NFIX: variants seen among roughly 807,000 people sequenced by gnomAD.
NFIX encodes nuclear factor 1 X-type.
In NFIX, 2 loss-of-function variants were observed where a neutral mutation model predicts 53.3. The observed-to-expected ratio is 0.04, with a 90% CI of 0.02 to 0.12. The LOEUF (loss-of-function observed/expected upper bound fraction) is 0.12. Ranked by LOEUF, NFIX falls within the 10% of genes least tolerant of loss-of-function variation. NFIX has a pLI of 1.00. For synonymous variants in NFIX, 244 were observed against 289.0 expected (o/e 0.84, Z 1.58); for missense variants, 310 against 674.5 (o/e 0.46, Z 5.99).
At position 13,094,574 on chromosome 19, in the gene NFIX, G is replaced by GAAAA; in HGVS notation, c.1495-61_1495-60insAAAA. ...AGGGGCCAGGTCACTGGGCCAGGTA[G>GAAAA]GAGTGAGATGGGACCTGCCCCAGCT... On this transcript the variant is annotated intron_variant, in intron 10 of 10. Transcript: ENST00000592199. The surrounding 1 kb of genome is among the most constrained non-coding windows in gnomAD (Gnocchi z 4.3). 1 of 1,521,974 alleles carries GAAAA rather than the reference G, an allele frequency of 6.6e-7. No individual in the cohort carries two copies. The highest frequency in any genetic ancestry group is 1.2e-5 in the South Asian group (1 of 83,640). The allele number at this position is 1,521,974 out of a possible 1,614,324, so 94.3% of individuals were successfully genotyped here.
rs954431970 is a variant in NFIX at position 13,060,746 on chromosome 19, C to T, written c.560-12301C>T. Among the ~76,000 whole-genome samples, 9 of 151,766 alleles carry T rather than the reference C, an allele frequency of 5.9e-5. No individual in the cohort carries two copies. The South Asian group carries it at 1.9e-3, about 32-fold the overall frequency. On this transcript the variant is annotated intron_variant, in intron 2 of 10. Transcript: ENST00000592199. The surrounding 1 kb of genome is among the most constrained non-coding windows in gnomAD (Gnocchi z 4.3). ...GGGCCCTGTGAAGCGATCTGCACTG[C>T]CCAGGGTCAGGGGGATGGGGGGGTC...
At chr19:13,020,262 G>C (rs957094949) in intron 1 of NFIX, among the ~76,000 whole-genome samples, 4 of 152,178 alleles carry the variant, frequency 2.6e-5, no homozygotes, top group Non-Finnish European at 5.9e-5. Flanking sequence ...CTTTTGTCTA[G>C]GGCTCATGAG....
In NFIX at chr19:13,011,754, G is replaced by A. The variant is rs993440128; in HGVS notation, c.28-13267G>A. ...GCCTGTACGTACCCTACCTGAGACCGCCCCTCCGCCAAGTGCGCCCCTCGA... is the reference window on the plus strand; with the variant it reads ...GCCTGTACGTACCCTACCTGAGACCACCCCTCCGCCAAGTGCGCCCCTCGA... On this transcript the variant is annotated intron_variant, in intron 1 of 10. Transcript: ENST00000592199. The surrounding 1 kb of genome is among the most constrained non-coding windows in gnomAD (Gnocchi z 6.5). Among the ~76,000 whole-genome samples the A allele has an allele frequency of 5.9e-5, 9 of 152,150 alleles. No homozygotes were observed. The highest frequency in any genetic ancestry group is 8.8e-5 in the Non-Finnish European group (6 of 68,020).
Position 13,041,511 on chromosome 19 carries a change from A to G in NFIX, c.559+15959A>G, listed in dbSNP as rs139726288. Among the ~76,000 whole-genome samples, 697 of 152,314 alleles carry G rather than the reference A, an allele frequency of 4.6e-3. 1 individual carries two copies. Among genetic ancestry groups the G allele is most frequent in the African/African-American group, 0.016 (674 of 41,586 alleles). On this transcript the variant is annotated intron_variant, in intron 2 of 10. Coordinates refer to ENST00000592199, the MANE Select transcript of NFIX (RefSeq NM_001365902.3). ...TTAGGGATGCTGCTTTTAAAATTTA[A>G]TACTGCAGGGCGCAGTGGCTCATGC...
At chr19:13,020,322 G>A (rs2012901005) in intron 1 of NFIX, among the ~76,000 whole-genome samples, 1 of 152,206 alleles carries the variant, frequency 6.6e-6, no homozygotes. Flanking sequence ...GGAGGAGGGG[G>A]CCCGCAGTGA....
Position 13,067,465 on chromosome 19 carries a change from TGTGTGTGTGTGTGTGTGC to T in NFIX, c.560-5564_560-5547del, listed in dbSNP as rs958591531. 6.6e-5 allele frequency among the ~76,000 whole-genome samples: 7 copies of T among 105,974 alleles called. No homozygotes were observed. The highest frequency in any genetic ancestry group is 3.9e-4 in the Admixed American group (4 of 10,308). 69.5% of individuals were successfully genotyped at this position (105,974 alleles called of 152,430 possible). A position where few individuals can be genotyped will look rare whatever the true frequency, so the allele number is the denominator to read the frequency against. ...TGGCACCTCCGTGTGTGTGCGCGCGTGTGTGTGTGTGTGTGTGCGTGTGTGTGTGTGTGTGTGTGTATG... is the reference window on the plus strand; with the variant it reads ...TGGCACCTCCGTGTGTGTGCGCGCGTGTGTGTGTGTGTGTGTGTGTGTATG... On this transcript the variant is annotated intron_variant, in intron 2 of 10. Transcript: ENST00000592199. The surrounding 1 kb of genome is among the most constrained non-coding windows in gnomAD (Gnocchi z 4.2).
At position 13,009,308 on chromosome 19, in the gene NFIX, C is replaced by T. The variant is rs966960624; in HGVS notation, c.27+13444C>T. On this transcript the variant is annotated intron_variant, in intron 1 of 10. Coordinates refer to ENST00000592199, the MANE Select transcript of NFIX (RefSeq NM_001365902.3). The surrounding 1 kb of genome is among the most constrained non-coding windows in gnomAD (Gnocchi z 4.7). ...CTCCAGAGCAATTATGCCTGGGCAG[C>T]GGGTGGGTGGGGGGAAGGCGGGCAT... Among the ~76,000 whole-genome samples the T allele has an allele frequency of 2.0e-5, 3 of 146,582 alleles. No individual in the cohort carries two copies. The highest frequency in any genetic ancestry group is 3.0e-5 in the Non-Finnish European group (2 of 66,330).
At position 13,096,549 on chromosome 19, in the gene NFIX, G is replaced by A. The variant is rs2076025851; in HGVS notation, c.*1900G>A. On this transcript the variant is annotated 3_prime_UTR_variant, in exon 11 of 11. Transcript: ENST00000592199. Reference sequence around the variant, plus strand: ...CCCTAGAGGACCCCAGGGCTGAGGGGCAGTGGATCCTGCGGGAGTCTCCCG... The same window carrying A: ...CCCTAGAGGACCCCAGGGCTGAGGGACAGTGGATCCTGCGGGAGTCTCCCG... 1 of 152,102 alleles carries A rather than the reference G, an allele frequency of 6.6e-6. No homozygotes were observed. The allele number at this position is 152,102 out of a possible 1,614,324, so 9.4% of individuals were successfully genotyped here.
chr19:13,026,185 A>G (rs1403175089), intron 2 of NFIX, among the ~76,000 whole-genome samples: 1 of 152,054 alleles, frequency 6.6e-6, no homozygotes, highest in Non-Finnish European at 1.5e-5. Flanking sequence ...AAGTAATTTG[A>G]TTTCATAGAG....
At chr19:13,050,126 G>A (rs1321261296) in intron 2 of NFIX, among the ~76,000 whole-genome samples, 2 of 152,204 alleles carry the variant, frequency 1.3e-5, no homozygotes, top group Admixed American at 1.3e-4. Context: ...CATCTTGTCT[G>A]CCCAGCAGTG....
At chr19:13,017,371 CTCTT>C (rs1452212578) in intron 1 of NFIX, among the ~76,000 whole-genome samples, 2 of 152,186 alleles carry the variant, frequency 1.3e-5, no homozygotes, top group African/African-American at 4.8e-5. Flanking sequence ...GAAAAATGAC[CTCTT>C]TCTAACTCCT....
intron 8 of NFIX, 157 bp downstream of exon 8, chr19:13,082,012 C>T: frequency 1.3e-6 from 1 of 788,720 alleles, no homozygotes; most frequent in Non-Finnish European, 2.0e-6. Flanking sequence ...TTTTCTGGGT[C>T]TGGGGACGGG....
chr19:13,026,744 C>CTCTCTCTGTG (rs545440885), intron 2 of NFIX, among the ~76,000 whole-genome samples: 1 of 149,904 alleles, frequency 6.7e-6, no homozygotes, highest in Admixed American at 6.6e-5. Flanking sequence ...CTCTCTCTCT[C>CTCTCTCTGTG]TGTGTGTGTG....
At chr19:13,053,056 A>T (rs1296883144) in intron 2 of NFIX, among the ~76,000 whole-genome samples, 2 of 152,202 alleles carry the variant, frequency 1.3e-5, no homozygotes, top group East Asian at 3.9e-4. Flanking sequence ...CCTCCTGCAC[A>T]GTGCACACAT....
In NFIX at chr19:13,005,875, T is replaced by C. The variant is rs2011986374; in HGVS notation, c.27+10011T>C. Among the ~76,000 whole-genome samples the C allele has an allele frequency of 6.6e-6, 1 of 152,206 alleles. No individual in the cohort carries two copies. The highest frequency in any genetic ancestry group is 1.5e-5 in the Non-Finnish European group (1 of 68,028). ...GGTGGTCTCACCCCCTCTGCACCCC[T>C]GCTGGCCAGGCTTGCCCTCACCCCC... is the stretch of plus-strand genomic sequence containing the variant. On this transcript the variant is annotated intron_variant, in intron 1 of 10. Transcript: ENST00000592199. The surrounding 1 kb of genome is among the most constrained non-coding windows in gnomAD (Gnocchi z 4.7).
In NFIX at chr19:13,073,043, G is replaced by A; in HGVS notation, c.560-4G>A. 6.2e-7 allele frequency: 1 copy of A among 1,613,876 alleles called. No homozygotes were observed. Among genetic ancestry groups the A allele is most frequent in the East Asian group, 2.2e-5 (1 of 44,882 alleles). On this transcript the variant is annotated splice_region_variant and splice_polypyrimidine_tract_variant and intron_variant, in intron 2 of 10. Transcript: ENST00000592199. This position sits in a 1 kb window ranked among gnomAD's most constrained non-coding sequence, Gnocchi z 4.5. ...TACATTCTCCCCTTTTGTGTCTCCT[G>A]CAGAATCCGGACAATCAGATAGTTC...
intron 1 of NFIX, among the ~76,000 whole-genome samples, chr19:13,008,743 C>T (rs1330489148): frequency 6.6e-6 from 1 of 152,144 alleles, no homozygotes; most frequent in African/African-American, 2.4e-5. Context: ...CCCCTGATGA[C>T]CCTCCTTTGG....
Position 13,095,987 on chromosome 19 carries a change from C to T in NFIX, c.*1338C>T, listed in dbSNP as rs907489404. 2 of 152,392 alleles carry T rather than the reference C, an allele frequency of 1.3e-5. No individual in the cohort carries two copies. Among genetic ancestry groups the T allele is most frequent in the East Asian group, 3.9e-4 (2 of 5,188 alleles). 9.4% of individuals were successfully genotyped at this position (152,392 alleles called of 1,614,324 possible). Reference sequence around the variant, plus strand: ...AACTTGGGAACAATTTGGTAACACACCACAGGAAGTAGCTCTCCCCCCCAG... The same window carrying T: ...AACTTGGGAACAATTTGGTAACACATCACAGGAAGTAGCTCTCCCCCCCAG... On this transcript the variant is annotated 3_prime_UTR_variant, in exon 11 of 11. Transcript: ENST00000592199.
rs2145557408 is a variant in NFIX at position 13,098,203 on chromosome 19, G to T, written c.*3554G>T. The T allele has an allele frequency of 6.7e-6, 1 of 148,218 alleles. No homozygotes were observed. The highest frequency in any genetic ancestry group is 6.8e-5 in the Admixed American group (1 of 14,802). The allele number at this position is 148,218 out of a possible 1,614,324, so 9.2% of individuals were successfully genotyped here. On this transcript the variant is annotated 3_prime_UTR_variant, in exon 11 of 11. Coordinates refer to ENST00000592199, the MANE Select transcript of NFIX (RefSeq NM_001365902.3). Reference sequence around the variant, plus strand: ...CGAGAGAAAATAAAGGAGCAATAAAGTCACGAGAACTTTCGTCCCCCAATC... The same window carrying T: ...CGAGAGAAAATAAAGGAGCAATAAATTCACGAGAACTTTCGTCCCCCAATC...
Sources: gnomAD v4.1 joint callset for allele counts (sites outside exome capture counted in the v4.1 genomes callset) on GRCh38, gnomAD v4.1.1 for gene constraint, Gnocchi (gnomAD v3.1) non-coding constraint, MANE v1.5 for transcripts, NCBI Gene and HGNC (gene_info 2026-07-23, HGNC 2026-07-21) for gene names.